Variants in AP1B1 observed in about 807,000 individuals in gnomAD.
The protein encoded by AP1B1 is adaptor related protein complex 1 subunit beta 1.
AP1B1 carries 36 observed loss-of-function variants against 104.3 expected under a neutral mutation model. That is an observed-to-expected ratio of 0.35 (90% CI 0.26 to 0.46). AP1B1 has a LOEUF of 0.46. Ranked by LOEUF, AP1B1 falls within the 20% of genes least tolerant of loss-of-function variation. AP1B1 has a pLI of 1.00. For synonymous variants in AP1B1, 504 were observed against 517.5 expected (o/e 0.97, Z 0.35); for missense variants, 901 against 1,247.9 (o/e 0.72, Z 4.19).
chr22:29,374,430 A>G (rs1054980172), intron 1 of AP1B1, among the ~76,000 whole-genome samples: 5 of 152,232 alleles, frequency 3.3e-5, no homozygotes, highest in African/African-American at 1.2e-4. Context: ...TTTGCATCAC[A>G]TTGCAGACAA....
chr22:29,365,019 CT>C (rs1174813735), intron 2 of AP1B1, among the ~76,000 whole-genome samples: 1 of 152,170 alleles, frequency 6.6e-6, no homozygotes, highest in Non-Finnish European at 1.5e-5. Context: ...CCTCTAAGCC[CT>C]TCTCTAAGCC....
At chr22:29,356,758 G>A (rs1452059836) in intron 5 of AP1B1, 142 bp from the exon 6 acceptor site, 1 of 758,726 alleles carries the variant, frequency 1.3e-6, no homozygotes, top group African/African-American at 1.8e-5. Context: ...GCTGCAACGA[G>A]ACCCACTCCA....
intron 3 of AP1B1, among the ~76,000 whole-genome samples, chr22:29,360,598 G>A (rs1474166672): frequency 6.6e-6 from 1 of 152,184 alleles, no homozygotes; most frequent in Non-Finnish European, 1.5e-5. Flanking sequence ...TTGGTGCTAA[G>A]AGCTTTACAT....
At chr22:29,362,866 A>G in intron 3 of AP1B1, 135 bp downstream of exon 3, 1 of 654,380 alleles carries the variant, frequency 1.5e-6, no homozygotes, top group Non-Finnish European at 2.8e-6. Flanking sequence ...TTGGGAAGAA[A>G]GTTTTATGAA....
At chr22:29,374,282 G>C (rs1383200282) in intron 1 of AP1B1, among the ~76,000 whole-genome samples, 1 of 89,022 alleles carries the variant, frequency 1.1e-5, no homozygotes, top group Non-Finnish European at 2.2e-5. Flanking sequence ...ATTGCATCCA[G>C]AGGAAAGTCT....
At position 29,341,500 on chromosome 22, in the gene AP1B1, C is replaced by T. The variant is rs754317263; in HGVS notation, c.1796+1G>A. ...CAGGCCGACTGGCCAGTCTCACTCA[C>T]GAGGCCGTGCGAGGTGGCAGGCTCT... On this transcript the variant is annotated splice_donor_variant, in intron 13 of 22. Coordinates refer to ENST00000357586, the MANE Select transcript of AP1B1 (RefSeq NM_001127.4). LOFTEE classifies it high-confidence loss of function. 3 of 1,610,506 alleles carry T rather than the reference C, an allele frequency of 1.9e-6. No individual in the cohort carries two copies. Among genetic ancestry groups the T allele is most frequent in the Non-Finnish European group, 1.7e-6 (2 of 1,177,336 alleles).
At position 29,359,749 on chromosome 22, in the gene AP1B1, C is replaced by T. The variant is rs560389717; in HGVS notation, c.279+75G>A. 1.9e-6 allele frequency: 3 copies of T among 1,539,234 alleles called. No individual in the cohort carries two copies. The South Asian group carries it at 3.9e-5, about 20-fold the overall frequency. On this transcript the variant is annotated intron_variant, in intron 4 of 22. Transcript: ENST00000357586. ...TGGACTCCATCCAGTGCCACAGGGC[C>T]CCGCCCCAAAGAGACTGAGGGGAGA... is the stretch of plus-strand genomic sequence containing the variant.
intron 2 of AP1B1, among the ~76,000 whole-genome samples, chr22:29,366,486 A>T (rs2148019751): frequency 6.6e-6 from 1 of 152,204 alleles, no homozygotes; most frequent in African/African-American, 2.4e-5. Flanking sequence ...AAAATACAAA[A>T]TTAGCCGGGC....
chr22:29,353,152 G>A (rs373222235), intron 7 of AP1B1, among the ~76,000 whole-genome samples: 12 of 152,116 alleles, frequency 7.9e-5, no homozygotes, highest in South Asian at 4.1e-4. Flanking sequence ...CTACTCCTAT[G>A]CCCTTCCAGA....
chr22:29,335,691 T>G (rs2061628238), intron 16 of AP1B1, among the ~76,000 whole-genome samples: 1 of 152,202 alleles, frequency 6.6e-6, no homozygotes, highest in Admixed American at 6.5e-5. Context: ...TCCACGGGCC[T>G]TGGCCTCCAC....
Position 29,331,322 on chromosome 22 carries a change from C to T in AP1B1, c.2524+127G>A, listed in dbSNP as rs939199231. On this transcript the variant is annotated intron_variant, in intron 19 of 22. Transcript: ENST00000357586. ...CCTCACTCCAGGCCCTGCAGGGAAG[C>T]AGCAACTCCCCGACTCCATTTACGG... The T allele has an allele frequency of 8.6e-5, 81 of 939,940 alleles. 1 individual carries two copies. Among genetic ancestry groups the T allele is most frequent in the South Asian group, 2.0e-4 (14 of 69,612 alleles). 58.2% of individuals were successfully genotyped at this position (939,940 alleles called of 1,614,324 possible).
At position 29,351,182 on chromosome 22, in the gene AP1B1, T is replaced by C. The variant is rs2061868460; in HGVS notation, c.1144A>G (p.Ile382Val). Reference sequence around the variant, plus strand: ...TCCCAGAGCCTCACCTCCACCTTGATGGCGCAGCGGCCAATAGCACGCACA... The same window carrying C: ...TCCCAGAGCCTCACCTCCACCTTGACGGCGCAGCGGCCAATAGCACGCACA... ...KAVRAIGRCA[I>V]KVEQSAERCV... Residue 382 changes from isoleucine to valine, a missense_variant, in exon 9 of 23, where the codon ATC becomes GTC. This residue lies in a region of AP1B1 where 471 missense variants were observed against 696.7 expected (regional missense o/e 0.68). Coordinates refer to ENST00000357586, the MANE Select transcript of AP1B1 (RefSeq NM_001127.4). 1 of 1,611,580 alleles carries C rather than the reference T, an allele frequency of 6.2e-7. No individual in the cohort carries two copies. The highest frequency in any genetic ancestry group is 1.3e-5 in the African/African-American group (1 of 74,890).
chr22:29,371,983 C>A (rs912755457), intron 1 of AP1B1, among the ~76,000 whole-genome samples: 7 of 152,188 alleles, frequency 4.6e-5, no homozygotes, highest in Non-Finnish European at 1.0e-4. Flanking sequence ...AGGGGCATAC[C>A]TGGAACAACT....
intron 1 of AP1B1, among the ~76,000 whole-genome samples, chr22:29,374,625 C>G (rs2062303850): frequency 6.6e-6 from 1 of 152,172 alleles, no homozygotes; most frequent in Non-Finnish European, 1.5e-5. Context: ...TAATAACACC[C>G]CATGTTGGAG....
intron 1 of AP1B1, among the ~76,000 whole-genome samples, chr22:29,373,189 T>C (rs893419299): frequency 2.6e-5 from 4 of 152,056 alleles, no homozygotes; most frequent in African/African-American, 7.2e-5. Context: ...GAGGACTACT[T>C]GAGCCTGGGA....
At chr22:29,348,783 T>C (rs2061829538) in intron 11 of AP1B1, among the ~76,000 whole-genome samples, 1 of 152,198 alleles carries the variant, frequency 6.6e-6, no homozygotes, top group Non-Finnish European at 1.5e-5. Flanking sequence ...TGCATGTGTG[T>C]GTATCTGTGG....
chr22:29,342,404 G>A (rs758964521), intron 11 of AP1B1, 21 bp from the exon 12 acceptor site: 8 of 1,603,178 alleles, frequency 5.0e-6, no homozygotes, highest in African/African-American at 2.7e-5. Context: ...CAGCGGTGAC[G>A]AGGAGGAAGT....
chr22:29,361,984 G>C (rs2062054523), intron 3 of AP1B1, among the ~76,000 whole-genome samples: 1 of 152,126 alleles, frequency 6.6e-6, no homozygotes, highest in African/African-American at 2.4e-5. Context: ...AGTAGAGACG[G>C]GGTTTCACCA....
rs182661570 is a variant in AP1B1, at chr22:29,346,445, T to G, written c.1437+2773A>C. 1.1e-3 allele frequency among the ~76,000 whole-genome samples: 170 copies of G among 152,308 alleles called. 2 individuals carry two copies. The highest frequency in any genetic ancestry group is 0.01 in the Middle Eastern group (3 of 294). On this transcript the variant is annotated intron_variant, in intron 11 of 22. Coordinates refer to ENST00000357586, the MANE Select transcript of AP1B1 (RefSeq NM_001127.4). ...CAGGATGAAACTGCTCCACCTCAGA[T>G]CAGGCATTAGGTTCTCATAAGGAAC...
Sources: allele counts gnomAD v4.1 joint callset (sites outside exome capture counted in the v4.1 genomes callset), GRCh38; gene constraint gnomAD v4.1.1; regional missense constraint gnomAD v4.1.1; transcripts MANE v1.5; gene names NCBI Gene and HGNC (gene_info 2026-07-23, HGNC 2026-07-21).